The following CDYL variants were observed in gnomAD, a reference collection of about 807,000 sequenced individuals.
CDYL encodes chromodomain Y like.
In CDYL, 8 loss-of-function variants were observed where a neutral mutation model predicts 47.3. The observed-to-expected ratio is 0.17, with a 90% CI of 0.10 to 0.31. The LOEUF (loss-of-function observed/expected upper bound fraction) is 0.31. CDYL is among the 10% of genes least tolerant of loss of function. The pLI is 1.00. For synonymous variants in CDYL, 266 were observed against 265.0 expected (o/e 1.00, Z -0.04); for missense variants, 471 against 701.4 (o/e 0.67, Z 3.71).
chr6:4,884,076 A>G (rs1236184708), intron 1 of CDYL, among the ~76,000 whole-genome samples: 2 of 152,200 alleles, frequency 1.3e-5, no homozygotes, highest in Non-Finnish European at 1.5e-5. Flanking sequence ...GACGTTCTCT[A>G]AAGTGATCCA....
At chr6:4,809,812 TTATATTA>T (rs1293543908) in intron 1 of CDYL, among the ~76,000 whole-genome samples, 8 of 104 alleles carry the variant, frequency 0.077, 1 homozygote, top group African/African-American at 0.36. Flanking sequence ...GGTAGGGGTA[TTATATTA>T]GTCCTTGGCG....
At chr6:4,878,103 T>C (rs1761666740) in intron 1 of CDYL, among the ~76,000 whole-genome samples, 1 of 152,198 alleles carries the variant, frequency 6.6e-6, no homozygotes, top group South Asian at 2.1e-4. Flanking sequence ...ATATGCCACA[T>C]TTAATCATGA....
rs545688329 is a variant in CDYL, at chr6:4,811,970, G to A, written c.24+35163G>A. On this transcript the variant is annotated intron_variant, in intron 1 of 6. Coordinates refer to ENST00000397588, the MANE Select transcript of CDYL (RefSeq NM_004824.4). ...CCACATCATCTCCTGTGCCTTTGCT[G>A]TCTGCAGGGTGGTCCATGGACTGGC... 2.6e-5 allele frequency among the ~76,000 whole-genome samples: 4 copies of A among 152,206 alleles called. No individual in the cohort carries two copies. The East Asian group carries it at 7.7e-4, about 29-fold the overall frequency.
chr6:4,805,698 G>T (rs1158055774), intron 1 of CDYL, among the ~76,000 whole-genome samples: 1 of 152,184 alleles, frequency 6.6e-6, no homozygotes, highest in Non-Finnish European at 1.5e-5. Flanking sequence ...GAGGGCAAGA[G>T]AAATGGATCC....
At chr6:4,872,878 G>C (rs574630002) in intron 1 of CDYL, among the ~76,000 whole-genome samples, 44 of 152,336 alleles carry the variant, frequency 2.9e-4, no homozygotes, top group African/African-American at 1.0e-3. Context: ...CATAGTAGCA[G>C]TGATTCCGAT....
At chr6:4,857,835 T>G (rs954875697) in intron 1 of CDYL, among the ~76,000 whole-genome samples, 1 of 152,236 alleles carries the variant, frequency 6.6e-6, no homozygotes. Context: ...ATTGCTGTGT[T>G]CCTTGAACCC....
intron 1 of CDYL, among the ~76,000 whole-genome samples, chr6:4,865,751 G>C (rs1465095562): frequency 2.6e-5 from 4 of 152,210 alleles, no homozygotes; most frequent in African/African-American, 4.8e-5. Flanking sequence ...TCTCCATGAA[G>C]ATAAAGTGAT....
chr6:4,738,857 CA>C (rs1225801105), intron 3 of CDYL, among the ~76,000 whole-genome samples: 1 of 152,174 alleles, frequency 6.6e-6, no homozygotes, highest in Non-Finnish European at 1.5e-5. Context: ...GTAGCGACAT[CA>C]AGGAATTATT....
At chr6:4,947,835 G>A (rs73717778) in intron 5 of CDYL, among the ~76,000 whole-genome samples, 1 of 152,220 alleles carries the variant, frequency 6.6e-6, no homozygotes, top group Admixed American at 6.5e-5. Flanking sequence ...GCGGTTCCCG[G>A]TGCCCCACTG....
At chr6:4,754,457 C>T (rs1410368355) in intron 3 of CDYL, among the ~76,000 whole-genome samples, 3 of 152,136 alleles carry the variant, frequency 2.0e-5, no homozygotes, top group South Asian at 4.1e-4. Flanking sequence ...TTGGACTCAC[C>T]AACAAGCAAA....
chr6:4,883,947 A>G (rs935726009), intron 1 of CDYL, among the ~76,000 whole-genome samples: 2 of 152,124 alleles, frequency 1.3e-5, no homozygotes, highest in Admixed American at 1.3e-4. Context: ...AAATGAGTCT[A>G]CCCTTGAGTA....
intron 2 of CDYL, among the ~76,000 whole-genome samples, chr6:4,914,328 A>G (rs572154794): frequency 2.9e-3 from 439 of 150,568 alleles, no homozygotes; most frequent in African/African-American, 0.01. Flanking sequence ...TGCTTTTCTC[A>G]TGGGGGTGGC....
chr6:4,710,843 C>T (rs1017452541), intron 1 of CDYL, among the ~76,000 whole-genome samples: 2 of 151,992 alleles, frequency 1.3e-5, no homozygotes. Context: ...TTGAAATAAG[C>T]ATGCTGACCG....
intron 3 of CDYL, among the ~76,000 whole-genome samples, chr6:4,737,425 G>A (rs938548232): frequency 1.3e-4 from 20 of 152,046 alleles, no homozygotes; most frequent in Non-Finnish European, 2.8e-4. Flanking sequence ...GGCTGAGGCG[G>A]GTGAATCACC....
chr6:4,947,179 A>G (rs576092052), intron 5 of CDYL, among the ~76,000 whole-genome samples: 1 of 152,186 alleles, frequency 6.6e-6, no homozygotes, highest in East Asian at 1.9e-4. Flanking sequence ...AGGAGAGGGG[A>G]TGGGGCAGGT....
chr6:4,750,942 T>C (rs574966834), intron 3 of CDYL, among the ~76,000 whole-genome samples: 3 of 151,362 alleles, frequency 2.0e-5, no homozygotes, highest in Admixed American at 2.0e-4. Context: ...AAGCTCTGCC[T>C]CCTGGGTTCA....
chr6:4,750,117 CTGCT>C (rs1757964787), intron 3 of CDYL, among the ~76,000 whole-genome samples: 3 of 152,122 alleles, frequency 2.0e-5, no homozygotes, highest in Admixed American at 1.3e-4. Flanking sequence ...GGCTGGAAGA[CTGCT>C]TGAGGCCAGG....
Position 4,726,467 on chromosome 6 carries a change from C to A in CDYL, c.104-8295C>A, listed in dbSNP as rs529318622. Among the ~76,000 whole-genome samples the A allele has an allele frequency of 2.0e-5, 3 of 147,920 alleles. No homozygotes were observed. The South Asian group carries it at 6.4e-4, about 32-fold the overall frequency. On this transcript the variant is annotated intron_variant, in intron 2 of 8. Coordinates refer to the CDYL transcript ENST00000328908. Reference sequence around the variant, plus strand: ...GAATTGCTTGAACCTGGGAGGCAGACGTTGCAGTAAGCCAAGATCGCACCA... The same window carrying A: ...GAATTGCTTGAACCTGGGAGGCAGAAGTTGCAGTAAGCCAAGATCGCACCA...
At chr6:4,723,269 G>C (rs1293251698) in intron 2 of CDYL, among the ~76,000 whole-genome samples, 1 of 152,134 alleles carries the variant, frequency 6.6e-6, no homozygotes, top group Non-Finnish European at 1.5e-5. Flanking sequence ...TATACGCATT[G>C]ACTATGCCAT....
Sources: gnomAD v4.1 joint callset for allele counts (sites outside exome capture counted in the v4.1 genomes callset) on GRCh38, gnomAD v4.1.1 for gene constraint, MANE v1.5 for transcripts, NCBI Gene and HGNC (gene_info 2026-07-23, HGNC 2026-07-21) for gene names.